The following RPA1 variants were observed in gnomAD, a reference collection of about 807,000 sequenced individuals.
RPA1 encodes the protein replication protein A 70 kDa DNA-binding subunit.
Under a neutral mutation model 83.0 loss-of-function variants are expected in RPA1, and 49 were observed. The observed-to-expected ratio is 0.59, with a 90% CI of 0.47 to 0.75. The LOEUF is 0.75. Ranked by LOEUF, RPA1 falls within the 30% of genes least tolerant of loss-of-function variation. RPA1 has a pLI of 0.00. For missense variants in RPA1, 693 were observed against 776.1 expected (o/e 0.89, Z 1.27); for synonymous variants, 279 against 281.8 (o/e 0.99, Z 0.10).
At chr17:1,888,291 G>A (rs541740010) in intron 13 of RPA1, among the ~76,000 whole-genome samples, 1 of 152,206 alleles carries the variant, frequency 6.6e-6, no homozygotes, top group South Asian at 2.1e-4. Flanking sequence ...TCCGCATTCT[G>A]TATTTCCTAG....
chr17:1,890,603 C>A (rs775720090), intron 14 of RPA1, among the ~76,000 whole-genome samples: 2 of 152,100 alleles, frequency 1.3e-5, no homozygotes, highest in Non-Finnish European at 2.9e-5. Flanking sequence ...GTGGAGTTTG[C>A]AGTGAGCCAC....
At chr17:1,866,818 G>C (rs1318779632) in intron 5 of RPA1, among the ~76,000 whole-genome samples, 1 of 152,212 alleles carries the variant, frequency 6.6e-6, no homozygotes, top group African/African-American at 2.4e-5. Context: ...TACTGTTGTG[G>C]GTTCTTGATT....
intron 11 of RPA1, among the ~76,000 whole-genome samples, 155 bp from the exon 12 acceptor site, chr17:1,880,388 T>G (rs1182522227): frequency 3.3e-5 from 5 of 152,228 alleles, no homozygotes; most frequent in Non-Finnish European, 7.3e-5. Flanking sequence ...GATGTGTCTC[T>G]GAGTAGATTC....
At position 1,878,992 on chromosome 17, in the gene RPA1, G is replaced by C; in HGVS notation, c.691-1G>C. 1 of 1,614,178 alleles carries C rather than the reference G, an allele frequency of 6.2e-7. No individual in the cohort carries two copies. Among genetic ancestry groups the C allele is most frequent in the African/African-American group, 1.3e-5 (1 of 75,032 alleles). On this transcript the variant is annotated splice_acceptor_variant, in intron 8 of 16. Coordinates refer to ENST00000254719, the MANE Select transcript of RPA1 (RefSeq NM_002945.5). LOFTEE classifies it high-confidence loss of function. ...CCTAACCTGCCCACGTGCTTCTGCA[G>C]GGTGAAATCCGAGCTACAGCTTTCA...
rs768999139 is a variant in RPA1, at chr17:1,855,358, TGTGTG to T, written c.361+2170_361+2174del. On this transcript the variant is annotated intron_variant, in intron 5 of 16. Coordinates refer to ENST00000254719, the MANE Select transcript of RPA1 (RefSeq NM_002945.5). The stretch of plus-strand genomic sequence containing the variant: ...GTGTGTGTGTGTGTGTGTGTGTGTG[TGTGTG>T]TGTTTAGTAGAGACAGGGTTTTGCC... Among the ~76,000 whole-genome samples the T allele has an allele frequency of 3.9e-3, 588 of 148,918 alleles. 7 individuals are homozygous for T. Among genetic ancestry groups the T allele is most frequent in the Middle Eastern group, 6.9e-3 (2 of 290 alleles).
intron 5 of RPA1, among the ~76,000 whole-genome samples, chr17:1,870,863 G>GTGTA (rs1913353066): frequency 1.3e-5 from 2 of 152,226 alleles, no homozygotes; most frequent in South Asian, 4.1e-4. Flanking sequence ...GTCGGAGGGA[G>GTGTA]TGTAGCAGGG....
At chr17:1,852,563 G>C (rs753558794) in intron 4 of RPA1, among the ~76,000 whole-genome samples, 11 of 152,314 alleles carry the variant, frequency 7.2e-5, no homozygotes, top group Middle Eastern at 6.8e-3. Flanking sequence ...GGCAGGCAGC[G>C]GCACGGGAGG....
intron 1 of RPA1, among the ~76,000 whole-genome samples, chr17:1,835,005 C>G (rs929311065): frequency 6.6e-6 from 1 of 152,058 alleles, no homozygotes; most frequent in African/African-American, 2.4e-5. Context: ...ACGTGCGCCA[C>G]CACGCCCAGC....
chr17:1,890,151 C>T (rs192285987), intron 14 of RPA1, among the ~76,000 whole-genome samples: 8 of 152,258 alleles, frequency 5.3e-5, no homozygotes, highest in Admixed American at 4.6e-4. Flanking sequence ...AGGATGATTG[C>T]TTGAGGCTGG....
chr17:1,864,859 C>T lies in RPA1; in HGVS notation c.362-7575C>T, dbSNP rs112411903. On this transcript the variant is annotated intron_variant, in intron 5 of 16. Coordinates refer to ENST00000254719, the MANE Select transcript of RPA1 (RefSeq NM_002945.5). Reference sequence around the variant, plus strand: ...AAGTTGCAGTGAGCCGAGATTGTGCCATTGCACTCCAGCCTGGGCGACAGA... The same window carrying T: ...AAGTTGCAGTGAGCCGAGATTGTGCTATTGCACTCCAGCCTGGGCGACAGA... Among the ~76,000 whole-genome samples the T allele has an allele frequency of 1.1e-3, 171 of 152,274 alleles. 1 individual carries two copies. Among genetic ancestry groups the T allele is most frequent in the African/African-American group, 3.8e-3 (157 of 41,558 alleles).
chr17:1,839,185 C>T (rs1242785884), intron 1 of RPA1, among the ~76,000 whole-genome samples: 1 of 151,980 alleles, frequency 6.6e-6, no homozygotes, highest in East Asian at 1.9e-4. Flanking sequence ...AATCAATGGA[C>T]TGTATATGTG....
chr17:1,879,262 C>T lies in RPA1; in HGVS notation c.807C>T (p.Phe269=), dbSNP rs770771157. 6.2e-7 allele frequency: 1 copy of T among 1,614,012 alleles called. No individual in the cohort carries two copies. Among genetic ancestry groups the T allele is most frequent in the Non-Finnish European group, 8.5e-7 (1 of 1,180,026 alleles). ...CCCTGAAGATTGCTAACAAGCAGTT[C>T]ACAGCTGTTAAAAATGACTACGAGA... is the stretch of plus-strand genomic sequence containing the variant. ...KGTLKIANKQ[F]TAVKNDYEMT... The change falls in exon 10 of 17, where the codon TTC becomes TTT. Residue 269 remains phenylalanine, a synonymous_variant. Coordinates refer to ENST00000254719, the MANE Select transcript of RPA1 (RefSeq NM_002945.5).
At chr17:1,859,959 C>T (rs1181714402) in intron 5 of RPA1, among the ~76,000 whole-genome samples, 1 of 152,078 alleles carries the variant, frequency 6.6e-6, no homozygotes, top group Non-Finnish European at 1.5e-5. Context: ...GCTACAGGCA[C>T]GCATCACCAT....
At position 1,830,117 on chromosome 17, in the gene RPA1, G is replaced by C. The variant is rs546573712; in HGVS notation, c.24G>C (p.Gly8=). The C allele has an allele frequency of 8.0e-6, 10 of 1,248,622 alleles. No individual in the cohort carries two copies. In the East Asian group the frequency reaches 2.5e-4, roughly 31 times the overall value. 77.3% of individuals were successfully genotyped at this position (1,248,622 alleles called of 1,614,324 possible). MVGQLSE[G]AIAAIMQKGD... ...CCATGGTCGGCCAACTGAGCGAGGGGGCCATTGCGGTGAGGAGGTGCCGGG... is the reference window on the plus strand; with the variant it reads ...CCATGGTCGGCCAACTGAGCGAGGGCGCCATTGCGGTGAGGAGGTGCCGGG... The change falls in exon 1 of 17, where the codon GGG becomes GGC. Residue 8 remains glycine, a synonymous_variant. Transcript: ENST00000254719.
chr17:1,881,658 A>G (rs1259167966), intron 12 of RPA1, among the ~76,000 whole-genome samples: 1 of 152,154 alleles, frequency 6.6e-6, no homozygotes, highest in Non-Finnish European at 1.5e-5. Flanking sequence ...GCATTCCCAC[A>G]TTAAAATCGC....
intron 5 of RPA1, among the ~76,000 whole-genome samples, chr17:1,864,824 C>T (rs1220475181): frequency 3.9e-5 from 6 of 152,000 alleles, no homozygotes; most frequent in South Asian, 2.1e-4. Context: ...CACTTGAGCC[C>T]GGGAGGTGGA....
At position 1,830,011 on chromosome 17, in the gene RPA1, C is replaced by G; in HGVS notation, c.-83C>G. On this transcript the variant is annotated 5_prime_UTR_variant, in exon 1 of 17. Transcript: ENST00000254719. The stretch of plus-strand genomic sequence containing the variant: ...GGAGCGGTGCGCGCAACTTCTCGGG[C>G]CAATAACTGCGCAGCGCGCGGGACC... 1 of 1,220,318 alleles carries G rather than the reference C, an allele frequency of 8.2e-7. No homozygotes were observed. The highest frequency in any genetic ancestry group is 1.0e-6 in the Non-Finnish European group (1 of 963,980). The allele number at this position is 1,220,318 out of a possible 1,614,324, so 75.6% of individuals were successfully genotyped here. A position where few individuals can be genotyped will look rare whatever the true frequency, so the allele number is the denominator to read the frequency against.
At chr17:1,851,205 A>G (rs868406322) in intron 4 of RPA1, among the ~76,000 whole-genome samples, 45 of 152,188 alleles carry the variant, frequency 3.0e-4, no homozygotes, top group South Asian at 1.2e-3. Context: ...ATCCCATTTC[A>G]CACCTAAAAA....
At chr17:1,894,139 G>A (rs1041390756) in intron 15 of RPA1, among the ~76,000 whole-genome samples, 2 of 151,180 alleles carry the variant, frequency 1.3e-5, no homozygotes, top group African/African-American at 2.4e-5. Flanking sequence ...AAAACATTGG[G>A]ATTATAGTCA....
Sources: gnomAD v4.1 joint callset for allele counts (sites outside exome capture counted in the v4.1 genomes callset) on GRCh38, gnomAD v4.1.1 for gene constraint, MANE v1.5 for transcripts, NCBI Gene and HGNC (gene_info 2026-07-23, HGNC 2026-07-21) for gene names.